TMTC3: variants seen among roughly 807,000 people sequenced by gnomAD.
TMTC3 encodes the protein protein O-mannosyl-transferase TMTC3.
TMTC3 carries 52 observed loss-of-function variants against 92.2 expected under a neutral mutation model. The ratio of observed to expected loss-of-function variants is 0.56; its 90% CI spans 0.45 to 0.71. The LOEUF is 0.71. TMTC3 is among the 30% of genes least tolerant of loss of function. The pLI is 0.00. For missense variants in TMTC3, 896 were observed against 1,057.1 expected (o/e 0.85, Z 2.11); for synonymous variants, 339 against 363.3 (o/e 0.93, Z 0.76).
intron 4 of TMTC3, among the ~76,000 whole-genome samples, chr12:88,156,437 T>G (rs1305673239): frequency 6.6e-6 from 1 of 152,186 alleles, no homozygotes. Flanking sequence ...ACTCTCTGTT[T>G]TCTTTAAGAG....
chr12:88,148,519 A>AC lies in TMTC3; in HGVS notation c.189+16dup. 3 of 1,549,824 alleles carry AC rather than the reference A, an allele frequency of 1.9e-6. No homozygotes were observed. The highest frequency in any genetic ancestry group is 2.6e-6 in the Non-Finnish European group (3 of 1,138,876). ...CTATGTCTGAGGTAAGTAATTACTT[A>AC]CATATTACTTGTACATGTCTCAGAT... On this transcript the variant is annotated intron_variant, in intron 2 of 13. Coordinates refer to ENST00000266712, the MANE Select transcript of TMTC3 (RefSeq NM_181783.4).
rs1265786935 is a variant in TMTC3, at chr12:88,195,545, G to C, written c.2641G>C (p.Glu881Gln). The change falls in exon 14 of 14, where the codon GAG (glutamate) becomes CAG (glutamine). Residue 881 changes from glutamate to glutamine, a missense_variant. Coordinates refer to ENST00000266712, the MANE Select transcript of TMTC3 (RefSeq NM_181783.4). ...NKQLGKNGDE[E>Q]TPHKTTKDIK... ...ACAATTAGGAAAAAATGGAGACGAAGAGACACCCCACAAAACAACAAAAGA... is the reference window on the plus strand; with the variant it reads ...ACAATTAGGAAAAAATGGAGACGAACAGACACCCCACAAAACAACAAAAGA... 1.2e-6 allele frequency: 2 copies of C among 1,613,110 alleles called. No individual in the cohort carries two copies. The highest frequency in any genetic ancestry group is 2.7e-5 in the African/African-American group (2 of 74,868).
At chr12:88,165,094 A>C (rs944753181) in intron 6 of TMTC3, among the ~76,000 whole-genome samples, 3 of 152,130 alleles carry the variant, frequency 2.0e-5, no homozygotes, top group Non-Finnish European at 2.9e-5. Flanking sequence ...TATAGTTTAT[A>C]GGTGTGAATT....
intron 12 of TMTC3, 82 bp downstream of exon 12, chr12:88,190,704 T>C (rs915683226): frequency 1.2e-4 from 170 of 1,444,948 alleles, no homozygotes; most frequent in Non-Finnish European, 1.5e-4. Flanking sequence ...TTGGTTTTTT[T>C]TGAAAAAAAA....
In TMTC3 at chr12:88,198,460, T is replaced by C. The variant is rs1225657072; in HGVS notation, c.*2811T>C. 1 of 397,922 alleles carries C rather than the reference T, an allele frequency of 2.5e-6. No homozygotes were observed. Among genetic ancestry groups the C allele is most frequent in the East Asian group, 3.6e-5 (1 of 28,070 alleles). The allele number at this position is 397,922 out of a possible 1,614,324, so 24.6% of individuals were successfully genotyped here. A position where few individuals can be genotyped will look rare whatever the true frequency, so the allele number is the denominator to read the frequency against. On this transcript the variant is annotated 3_prime_UTR_variant, in exon 14 of 14. Transcript: ENST00000266712. ...GTTACCTTACTCCTTCACTGCTTCT[T>C]AGAAGGTAGAATTAAGTTTCTGGAA...
In TMTC3 at chr12:88,154,382, C is replaced by A; in HGVS notation, c.503C>A (p.Ser168Tyr). ...SYTRSKGPDN[S>Y]IIWTPIALTV... ...ACCAGATCAAAAGGACCAGACAATT[C>A]CATAAGTACATGTCTCACATTTGAT... The change falls in exon 4 of 14, where the codon TCC (serine) becomes TAC (tyrosine). Residue 168 changes from serine to tyrosine, a missense_variant. Transcript: ENST00000266712. 6.3e-7 allele frequency: 1 copy of A among 1,587,694 alleles called. No individual in the cohort carries two copies. The highest frequency in any genetic ancestry group is 8.5e-7 in the Non-Finnish European group (1 of 1,171,428).
rs776278771 is a variant in TMTC3 at position 88,166,498 on chromosome 12, C to T, written c.966C>T (p.Ala322=). The change falls in exon 7 of 14, where the codon GCC becomes GCT. Residue 322 remains alanine (A), a synonymous_variant. Coordinates refer to ENST00000266712, the MANE Select transcript of TMTC3 (RefSeq NM_181783.4). ...CATTACTAGATATTCGAAATCTGGC[C>T]ACATTTACTTTCTTTTGTTTTCTGG... The part of the protein sequence containing the change: ...IESLLDIRNL[A]TFTFFCFLGM... 4.3e-6 allele frequency: 7 copies of T among 1,613,796 alleles called. No homozygotes were observed. The highest frequency in any genetic ancestry group is 1.1e-5 in the South Asian group (1 of 91,066).
Position 88,199,213 on chromosome 12 carries a change from A to AGACTT in TMTC3, c.*3566_*3570dup, listed in dbSNP as rs1430633231. On this transcript the variant is annotated 3_prime_UTR_variant, in exon 14 of 14. Coordinates refer to ENST00000266712, the MANE Select transcript of TMTC3 (RefSeq NM_181783.4). ...CCAAATTAAGAAAAGGAAACAACTC[A>AGACTT]GACTTGGAATTTTATACGAATTTCA... 1 of 152,088 alleles carries AGACTT rather than the reference A, an allele frequency of 6.6e-6. No homozygotes were observed. The highest frequency in any genetic ancestry group is 1.5e-5 in the Non-Finnish European group (1 of 67,980). 9.4% of individuals were successfully genotyped at this position (152,088 alleles called of 1,614,324 possible).
At chr12:88,172,929 G>C (rs930691022) in intron 8 of TMTC3, 184 bp downstream of exon 8, 11 of 1,490,474 alleles carry the variant, frequency 7.4e-6, no homozygotes, top group Non-Finnish European at 8.9e-6. Flanking sequence ...TACTTATTCT[G>C]TGTTCTTCCC....
chr12:88,160,258 T>C (rs746249915), intron 5 of TMTC3, 29 bp downstream of exon 5: 1 of 1,285,058 alleles, frequency 7.8e-7, no homozygotes, highest in East Asian at 2.6e-5. Flanking sequence ...ATATAAATTT[T>C]CTTATTGATA....
In TMTC3 at chr12:88,196,125, A is replaced by G. The variant is rs1398580276; in HGVS notation, c.*476A>G. 2 of 152,370 alleles carry G rather than the reference A, an allele frequency of 1.3e-5. No homozygotes were observed. The highest frequency in any genetic ancestry group is 2.4e-5 in the African/African-American group (1 of 41,578). 9.4% of individuals were successfully genotyped at this position (152,370 alleles called of 1,614,324 possible). On this transcript the variant is annotated 3_prime_UTR_variant, in exon 14 of 14. Coordinates refer to ENST00000266712, the MANE Select transcript of TMTC3 (RefSeq NM_181783.4). Reference sequence around the variant, plus strand: ...GTTTAATCAAGGGATTTACACTACAAAAGAATGCTGGCTTTTTTTATGTTG... The same window carrying G: ...GTTTAATCAAGGGATTTACACTACAGAAGAATGCTGGCTTTTTTTATGTTG...
At chr12:88,181,091 G>A (rs905176043) in intron 10 of TMTC3, among the ~76,000 whole-genome samples, 4 of 152,092 alleles carry the variant, frequency 2.6e-5, no homozygotes, top group African/African-American at 7.2e-5. Context: ...GATGTTCCAC[G>A]TGTGACAAAA....
intron 10 of TMTC3, among the ~76,000 whole-genome samples, chr12:88,187,656 T>C (rs2041393657): frequency 6.6e-6 from 1 of 152,188 alleles, no homozygotes; most frequent in African/African-American, 2.4e-5. Context: ...TGCACACAAT[T>C]GCCAGCCTAA....
intron 6 of TMTC3, among the ~76,000 whole-genome samples, chr12:88,165,251 A>G (rs2041131123): frequency 6.6e-6 from 1 of 152,068 alleles, no homozygotes; most frequent in South Asian, 2.1e-4. Context: ...AATTTGATTT[A>G]TTTTGACATT....
At chr12:88,175,570 C>T (rs971710807) in intron 9 of TMTC3, among the ~76,000 whole-genome samples, 4 of 152,128 alleles carry the variant, frequency 2.6e-5, no homozygotes, top group Non-Finnish European at 5.9e-5. Flanking sequence ...AGTCTGCCAA[C>T]AAGTGAGACC....
At chr12:88,172,834 G>C in intron 8 of TMTC3, 89 bp downstream of exon 8, 1 of 1,505,596 alleles carries the variant, frequency 6.6e-7, no homozygotes, top group South Asian at 1.3e-5. Flanking sequence ...AGTTTTCTAA[G>C]TCATGCTTTT....
At chr12:88,177,623 T>C (rs1273900269) in intron 10 of TMTC3, among the ~76,000 whole-genome samples, 1 of 152,140 alleles carries the variant, frequency 6.6e-6, no homozygotes, top group East Asian at 1.9e-4. Flanking sequence ...AGGAGTGCTA[T>C]TGGCGTTTTG....
At chr12:88,148,825 C>T (rs1260951781) in intron 2 of TMTC3, among the ~76,000 whole-genome samples, 1 of 151,576 alleles carries the variant, frequency 6.6e-6, no homozygotes, top group East Asian at 1.9e-4. Context: ...TTTGGGGTAC[C>T]AATCTGTCAC....
At chr12:88,191,910 A>C (rs1344495597) in intron 12 of TMTC3, among the ~76,000 whole-genome samples, 2 of 151,402 alleles carry the variant, frequency 1.3e-5, no homozygotes, top group East Asian at 3.9e-4. Flanking sequence ...GAGTTTTGCC[A>C]TGTTGGTCAG....
Sources: allele counts gnomAD v4.1 joint callset (sites outside exome capture counted in the v4.1 genomes callset), GRCh38; gene constraint gnomAD v4.1.1; transcripts MANE v1.5; gene names NCBI Gene and HGNC (gene_info 2026-07-23, HGNC 2026-07-21).